MCF2L: variants seen among roughly 807,000 people sequenced by gnomAD.
The protein encoded by MCF2L is MCF.2 cell line derived transforming sequence like, also known as guanine nucleotide exchange factor DBS.
In MCF2L, 97 loss-of-function variants were observed where a neutral mutation model predicts 153.4. The observed-to-expected ratio is 0.63, with a 90% confidence interval of 0.54 to 0.75. MCF2L has a LOEUF of 0.75. Among genes scored for constraint, MCF2L ranks in the 30% least tolerant of loss-of-function variants. The pLI is 0.00. For synonymous variants in MCF2L, 659 were observed against 632.2 expected, an observed-to-expected ratio of 1.04 and a Z score of -0.64; for missense variants, 1,347 against 1,495.2, an observed-to-expected ratio of 0.90 and a Z score of 1.64.
chr13:113,021,190 C>A (rs1199610451), intron 2 of MCF2L, among the ~76,000 whole-genome samples: 6 of 151,882 alleles, frequency 4.0e-5, no homozygotes, highest in Non-Finnish European at 4.4e-5. Context: ...AGCTATGTAT[C>A]TGTGTATAGC....
chr13:112,996,397 C>A (rs934231849), intron 1 of MCF2L, among the ~76,000 whole-genome samples: 2 of 152,216 alleles, frequency 1.3e-5, no homozygotes, highest in Non-Finnish European at 2.9e-5. Flanking sequence ...CTGCATCTAG[C>A]CAGCTGTAGT....
In MCF2L at chr13:112,953,901, C is replaced by G. The variant is rs554961646; in HGVS notation, c.169+51530C>G. Among the ~76,000 whole-genome samples the G allele has an allele frequency of 7.9e-5, 12 of 152,262 alleles. No individual in the cohort carries two copies. In the South Asian group the frequency reaches 2.3e-3, roughly 29 times the overall value. The stretch of plus-strand genomic sequence containing the variant: ...CTGCTGTGGGCACTCGCTGCCTCAC[C>G]TCTCCTCCCCCTGCATGTTTCCAGG... On this transcript the variant is annotated intron_variant, in intron 2 of 29. Transcript: ENST00000375608.
At chr13:113,029,566 G>T (rs1333799542) in intron 3 of MCF2L, among the ~76,000 whole-genome samples, 1 of 152,200 alleles carries the variant, frequency 6.6e-6, no homozygotes, top group Non-Finnish European at 1.5e-5. Flanking sequence ...TGCCAGGCTA[G>T]TGACAAGGAG....
At chr13:112,930,337 A>G (rs1201009155) in intron 2 of MCF2L, among the ~76,000 whole-genome samples, 1 of 152,232 alleles carries the variant, frequency 6.6e-6, no homozygotes, top group Non-Finnish European at 1.5e-5. Context: ...TGGTCCATGC[A>G]GATGATGGAA....
Position 112,907,120 on chromosome 13 carries a change from G to T in MCF2L, c.169+4749G>T, listed in dbSNP as rs1287915444. Among the ~76,000 whole-genome samples, 2 of 152,128 alleles carry T rather than the reference G, an allele frequency of 1.3e-5. No homozygotes were observed. Among genetic ancestry groups the T allele is most frequent in the Non-Finnish European group, 2.9e-5 (2 of 68,044 alleles). On this transcript the variant is annotated intron_variant, in intron 2 of 29. Coordinates refer to the MCF2L transcript ENST00000375608. The surrounding 1 kb of genome is among the most constrained non-coding windows in gnomAD (Gnocchi z 5.1). ...CTAATACTTCCATGCTTTATGGTAG[G>T]AGATTACACAGGATTCTGAGGGGGG...
chr13:113,067,094 T>A (rs13378718), intron 8 of MCF2L, among the ~76,000 whole-genome samples: 3,423 of 152,372 alleles, frequency 0.022, 130 homozygotes, highest in African/African-American at 0.078. Flanking sequence ...AGGCACCTTG[T>A]CAGCTTCCCA....
At chr13:113,032,570 T>TA (rs145695963) in intron 3 of MCF2L, among the ~76,000 whole-genome samples, 11,223 of 151,698 alleles carry the variant, frequency 0.074, 493 homozygotes, top group East Asian at 0.18. Flanking sequence ...ATTTTATATA[T>TA]TTTTTTTTCA....
intron 2 of MCF2L, chr13:112,917,100 C>T (rs745330000): frequency 8.5e-6 from 4 of 471,286 alleles, no homozygotes; most frequent in South Asian, 3.1e-5. Context: ...CCTGATCTCT[C>T]CATCTGTACT....
At chr13:112,958,494 C>T (rs555381198) in intron 2 of MCF2L, among the ~76,000 whole-genome samples, 36 of 152,370 alleles carry the variant, frequency 2.4e-4, no homozygotes, top group Admixed American at 3.9e-4. Context: ...GACACCCGCA[C>T]AGCCCCCGAC....
chr13:112,956,436 C>T (rs547956393), intron 2 of MCF2L: 7 of 152,296 alleles, frequency 4.6e-5, no homozygotes, highest in Admixed American at 4.6e-4. Flanking sequence ...ATTCTGAAAC[C>T]TCACTGTTTA....
At chr13:113,016,938 C>G (rs553040708) in intron 2 of MCF2L, among the ~76,000 whole-genome samples, 114 of 152,340 alleles carry the variant, frequency 7.5e-4, no homozygotes, top group Admixed American at 1.6e-3. Context: ...GAGGTGCACC[C>G]AGCCTCAGAG....
chr13:112,916,506 G>A (rs2081293954), intron 2 of MCF2L, among the ~76,000 whole-genome samples: 1 of 152,162 alleles, frequency 6.6e-6, no homozygotes, highest in African/African-American at 2.4e-5. Context: ...TCACCTGTGA[G>A]GTCCTCTCCC....
intron 1 of MCF2L, chr13:112,979,385 A>T: frequency 7.4e-7 from 1 of 1,349,342 alleles, no homozygotes; most frequent in Non-Finnish European, 9.5e-7. Context: ...CTGCTCTTCC[A>T]GGCGTGCAGG....
rs924778944 is a variant in MCF2L, at chr13:113,053,498, G to T, written c.370-7095G>T. ...GAGGCCCAGGATGTCCATGTGTCCC[G>T]TGATTGGGGCGGTGTTGTGTGCTCA... On this transcript the variant is annotated intron_variant, in intron 4 of 29. Coordinates refer to ENST00000535094, the MANE Select transcript of MCF2L (RefSeq NM_001112732.3). This position sits in a 1 kb window ranked among gnomAD's most constrained non-coding sequence, Gnocchi z 4.4. Among the ~76,000 whole-genome samples the T allele has an allele frequency of 2.0e-5, 3 of 152,224 alleles. No individual in the cohort carries two copies. The highest frequency in any genetic ancestry group is 2.0e-4 in the Admixed American group (3 of 15,280).
intron 3 of MCF2L, among the ~76,000 whole-genome samples, chr13:113,026,352 C>G (rs115704078): frequency 0.01 from 1,567 of 151,844 alleles, 35 homozygotes; most frequent in African/African-American, 0.036. Context: ...CGTGGCTTTG[C>G]TGAGGGGTTA....
chr13:113,086,571 G>A (rs775350439), intron 21 of MCF2L, among the ~76,000 whole-genome samples: 3 of 152,188 alleles, frequency 2.0e-5, no homozygotes, highest in Non-Finnish European at 4.4e-5. Context: ...GGGAGGAGGC[G>A]TGGCTCGGAG....
chr13:112,979,233 A>G, intron 1 of MCF2L: 1 of 739,392 alleles, frequency 1.4e-6, no homozygotes, highest in Non-Finnish European at 1.7e-6. Flanking sequence ...GAGGCCTGGA[A>G]GGTGTTTTTG....
At position 112,899,958 on chromosome 13, in the gene MCF2L, TTG is replaced by T. The variant is rs561861063; in HGVS notation, c.-4-2240_-4-2239del. Among the ~76,000 whole-genome samples, 311 of 152,060 alleles carry T rather than the reference TTG, an allele frequency of 2.0e-3. 1 individual carries two copies. The highest frequency in any genetic ancestry group is 3.6e-3 in the Non-Finnish European group (243 of 67,976). On this transcript the variant is annotated intron_variant, in intron 1 of 29. Transcript: ENST00000375608. ...AGAAACAGCGGAACAGCCCCTTGGG[TTG>T]GTTTCTGGATGGGGAGGATGTAGCC...
intron 15 of MCF2L, 112 bp from the exon 16 acceptor site, chr13:113,081,101 C>A: frequency 2.2e-6 from 2 of 910,382 alleles, no homozygotes; most frequent in Admixed American, 2.7e-5. Flanking sequence ...GCCGCCAGTC[C>A]CCTCCTGCTG....
Sources: allele counts gnomAD v4.1 joint callset (sites outside exome capture counted in the v4.1 genomes callset), GRCh38; gene constraint gnomAD v4.1.1; non-coding constraint Gnocchi (gnomAD v3.1); transcripts MANE v1.5; gene names NCBI Gene and HGNC (gene_info 2026-07-23, HGNC 2026-07-21).